The following PARD3B variants were observed in gnomAD, a reference collection of about 807,000 sequenced individuals.
The protein encoded by PARD3B is par-3 family cell polarity regulator beta.
PARD3B carries 103 observed loss-of-function variants against 130.2 expected under a neutral mutation model. The observed-to-expected ratio is 0.79, with a 90% CI of 0.67 to 0.93. The LOEUF (loss-of-function observed/expected upper bound fraction) is 0.93. PARD3B is among the 40% of genes least tolerant of loss of function. The probability of loss-of-function intolerance (pLI) is 0.00; values close to 1 mark genes in which losing one functional copy is unlikely to be tolerated. For missense variants in PARD3B, 1,609 were observed against 1,499.2 expected (o/e 1.07, Z -1.21); for synonymous variants, 583 against 553.2 (o/e 1.05, Z -0.76).
At chr2:205,249,668 G>C (rs1402077412) in intron 16 of PARD3B, among the ~76,000 whole-genome samples, 1 of 152,076 alleles carries the variant, frequency 6.6e-6, no homozygotes, top group East Asian at 1.9e-4. Flanking sequence ...CCCCAAAAGG[G>C]CATTGTATCT....
intron 21 of PARD3B, among the ~76,000 whole-genome samples, chr2:205,547,669 C>CAATTCTAAGACCAACTATAAA (rs2052435536): frequency 6.6e-6 from 1 of 152,046 alleles, no homozygotes; most frequent in Non-Finnish European, 1.5e-5. Context: ...CTCCTGCCAC[C>CAATTCTAAGACCAACTATAAA]AATTCTAAGA....
intron 1 of PARD3B, among the ~76,000 whole-genome samples, chr2:204,657,695 T>A (rs1221611849): frequency 6.6e-6 from 1 of 152,170 alleles, no homozygotes; most frequent in Non-Finnish European, 1.5e-5. Flanking sequence ...ATCATCCACA[T>A]ACCTATGAAT....
chr2:205,495,509 G>T (rs2049892260), intron 20 of PARD3B, among the ~76,000 whole-genome samples: 1 of 152,098 alleles, frequency 6.6e-6, no homozygotes. Context: ...GTTTTATATG[G>T]TTTCAATAGT....
Position 205,558,652 on chromosome 2 carries a change from T to C in PARD3B, c.3260+5249T>C, listed in dbSNP as rs1221819255. Among the ~76,000 whole-genome samples the C allele has an allele frequency of 6.6e-6, 1 of 152,164 alleles. No homozygotes were observed. The highest frequency in any genetic ancestry group is 1.5e-5 in the Non-Finnish European group (1 of 68,022). On this transcript the variant is annotated intron_variant, in intron 22 of 22. Coordinates refer to ENST00000406610, the MANE Select transcript of PARD3B (RefSeq NM_001302769.2). This position sits in a 1 kb window ranked among gnomAD's most constrained non-coding sequence, Gnocchi z 4.8. Reference sequence around the variant, plus strand: ...TCCACCAGACTCTGCTTCCCGCCTTTTGCTCCACATGGATTCTCTCTGTGC... The same window carrying C: ...TCCACCAGACTCTGCTTCCCGCCTTCTGCTCCACATGGATTCTCTCTGTGC...
chr2:204,971,135 G>A (rs1228179246), intron 3 of PARD3B, among the ~76,000 whole-genome samples: 2 of 152,112 alleles, frequency 1.3e-5, no homozygotes, highest in East Asian at 3.8e-4. Flanking sequence ...CTGCATAAAG[G>A]AAACATATGG....
Position 205,325,035 on chromosome 2 carries a change from C to T in PARD3B, c.2630+23334C>T. ...TCTACTCTCTAAGAATCTAAATTCT[C>T]TCTCCATCTTCACTGCACTTCCTTA... is the stretch of plus-strand genomic sequence containing the variant. On this transcript the variant is annotated intron_variant, in intron 18 of 22. Transcript: ENST00000406610. This position sits in a 1 kb window ranked among gnomAD's most constrained non-coding sequence, Gnocchi z 4.1. Among the ~76,000 whole-genome samples, 1 of 152,192 alleles carries T rather than the reference C, an allele frequency of 6.6e-6. No homozygotes were observed. The highest frequency in any genetic ancestry group is 6.5e-5 in the Admixed American group (1 of 15,278).
At chr2:204,898,817 T>G (rs559363974) in intron 2 of PARD3B, among the ~76,000 whole-genome samples, 2 of 152,316 alleles carry the variant, frequency 1.3e-5, no homozygotes, top group South Asian at 4.1e-4. Flanking sequence ...TGGATGCATA[T>G]ATATTTACAA....
Position 205,572,556 on chromosome 2 carries a change from AC to A in PARD3B, c.3260+19154del, listed in dbSNP as rs2053596246. ...GCTCAGGAGTTTGAGACCACCCCAA[AC>A]AACATGGTGAAACCTCATCTCTACT... On this transcript the variant is annotated intron_variant, in intron 22 of 22. Coordinates refer to ENST00000406610, the MANE Select transcript of PARD3B (RefSeq NM_001302769.2). The surrounding 1 kb of genome is among the most constrained non-coding windows in gnomAD (Gnocchi z 4.2). Among the ~76,000 whole-genome samples, 1 of 152,120 alleles carries A rather than the reference AC, an allele frequency of 6.6e-6. No individual in the cohort carries two copies. Among genetic ancestry groups the A allele is most frequent in the Non-Finnish European group, 1.5e-5 (1 of 68,022 alleles).
chr2:204,903,934 G>C (rs962778191), intron 2 of PARD3B, among the ~76,000 whole-genome samples: 1 of 151,942 alleles, frequency 6.6e-6, no homozygotes, highest in African/African-American at 2.4e-5. Context: ...ATTATCTGTC[G>C]GTCTACTATT....
chr2:204,953,937 C>T (rs1690023405), intron 2 of PARD3B, among the ~76,000 whole-genome samples: 1 of 152,076 alleles, frequency 6.6e-6, no homozygotes, highest in South Asian at 2.1e-4. Context: ...AGAGACAAGA[C>T]CCAGAAAGTC....
At chr2:204,790,944 A>G (rs142920564) in intron 2 of PARD3B, among the ~76,000 whole-genome samples, 1,962 of 152,084 alleles carry the variant, frequency 0.013, 51 homozygotes, top group African/African-American at 0.045. Context: ...GTCTCTACTA[A>G]TAATACAAAA....
rs559053893 is a variant in PARD3B at position 205,461,067 on chromosome 2, C to T, written c.3044+20395C>T. Among the ~76,000 whole-genome samples the T allele has an allele frequency of 1.3e-5, 2 of 152,254 alleles. No individual in the cohort carries two copies. Among genetic ancestry groups the T allele is most frequent in the South Asian group, 4.2e-4 (2 of 4,818 alleles). On this transcript the variant is annotated intron_variant, in intron 20 of 22. Transcript: ENST00000406610. This position sits in a 1 kb window ranked among gnomAD's most constrained non-coding sequence, Gnocchi z 4.3. The stretch of plus-strand genomic sequence containing the variant: ...TTATTGAGTGAGATTTAGACACAGT[C>T]CTTACTTTCATGGAACTTAAGACCT...
chr2:205,135,379 A>G (rs566657949), intron 10 of PARD3B, among the ~76,000 whole-genome samples: 3 of 152,294 alleles, frequency 2.0e-5, no homozygotes, highest in African/African-American at 7.2e-5. Flanking sequence ...AAGATTAGGG[A>G]AAAAAATACT....
At chr2:205,282,388 C>G (rs1453711620) in intron 16 of PARD3B, among the ~76,000 whole-genome samples, 1 of 151,674 alleles carries the variant, frequency 6.6e-6, no homozygotes, top group East Asian at 1.9e-4. Context: ...GCCAGGTACT[C>G]ATTAATTCAA....
chr2:204,847,573 A>C (rs1164222936), intron 2 of PARD3B, among the ~76,000 whole-genome samples: 1 of 152,096 alleles, frequency 6.6e-6, no homozygotes, highest in African/African-American at 2.4e-5. Context: ...GTGTGGTAAA[A>C]TCTCGCACCA....
Position 205,112,738 on chromosome 2 carries a change from C to T in PARD3B, c.594-753C>T, listed in dbSNP as rs546522170. Among the ~76,000 whole-genome samples the T allele has an allele frequency of 3.3e-5, 5 of 152,268 alleles. No homozygotes were observed. In the South Asian group the frequency reaches 1.0e-3, roughly 32 times the overall value. ...AAAGCTCCCAGTGCCTTCTATATTT[C>T]AGTCATACACACAATCCATTAATGT... On this transcript the variant is annotated intron_variant, in intron 5 of 22. Coordinates refer to ENST00000406610, the MANE Select transcript of PARD3B (RefSeq NM_001302769.2).
At chr2:204,828,063 A>T (rs891256639) in intron 2 of PARD3B, among the ~76,000 whole-genome samples, 3 of 151,618 alleles carry the variant, frequency 2.0e-5, no homozygotes, top group Non-Finnish European at 2.9e-5. Flanking sequence ...TAGAGCGTAA[A>T]ATGTAGTGCA....
At chr2:205,516,087 G>T (rs1184934301) in intron 21 of PARD3B, among the ~76,000 whole-genome samples, 2 of 152,030 alleles carry the variant, frequency 1.3e-5, no homozygotes, top group Non-Finnish European at 2.9e-5. Context: ...TCAGCTTTAT[G>T]AAAGATCAGG....
intron 1 of PARD3B, among the ~76,000 whole-genome samples, chr2:204,649,944 C>A (rs2035421725): frequency 6.6e-6 from 1 of 152,020 alleles, no homozygotes; most frequent in Admixed American, 6.6e-5. Flanking sequence ...AGCTTCTGCA[C>A]AGCAAAAGAA....
Sources: gnomAD v4.1 joint callset for allele counts (sites outside exome capture counted in the v4.1 genomes callset) on GRCh38, gnomAD v4.1.1 for gene constraint, Gnocchi (gnomAD v3.1) non-coding constraint, MANE v1.5 for transcripts, NCBI Gene and HGNC (gene_info 2026-07-23, HGNC 2026-07-21) for gene names.